Variants in SHTN1 observed in about 807,000 individuals in gnomAD.
The protein encoded by SHTN1 is shootin-1.
Under a neutral mutation model 83.1 loss-of-function variants are expected in SHTN1, and 42 were observed. The observed-to-expected ratio is 0.51, with a 90% CI of 0.39 to 0.65. The LOEUF is 0.65. Ranked by LOEUF, SHTN1 falls within the 30% of genes least tolerant of loss-of-function variation. The pLI is 0.00. For missense variants in SHTN1, 622 were observed against 737.8 expected (o/e 0.84, Z 1.82); for synonymous variants, 224 against 247.7 (o/e 0.90, Z 0.90).
intron 4 of SHTN1, among the ~76,000 whole-genome samples, chr10:116,958,756 T>G (rs1444677403): frequency 6.6e-6 from 1 of 152,164 alleles, no homozygotes; most frequent in Non-Finnish European, 1.5e-5. Flanking sequence ...AATTATTAAC[T>G]CCAGTCCTAA....
At chr10:117,124,546 G>A (rs1435000308) in intron 1 of SHTN1, among the ~76,000 whole-genome samples, 6 of 152,190 alleles carry the variant, frequency 3.9e-5, no homozygotes, top group Admixed American at 3.9e-4. Flanking sequence ...GCCGAGGTGA[G>A]TCGATCACCT....
intron 16 of SHTN1, among the ~76,000 whole-genome samples, chr10:116,892,101 T>C (rs1456887931): frequency 6.6e-6 from 1 of 152,206 alleles, no homozygotes; most frequent in Non-Finnish European, 1.5e-5. Context: ...CAAAGATCTA[T>C]GTCTATGCTC....
At chr10:116,917,742 C>T (rs2133358606) in intron 12 of SHTN1, among the ~76,000 whole-genome samples, 1 of 152,316 alleles carries the variant, frequency 6.6e-6, no homozygotes, top group East Asian at 1.9e-4. Flanking sequence ...AAAGTAGTTT[C>T]TTATATTTGC....
intron 7 of SHTN1, among the ~76,000 whole-genome samples, chr10:116,945,530 C>A (rs945558742): frequency 6.6e-6 from 1 of 152,072 alleles, no homozygotes; most frequent in Non-Finnish European, 1.5e-5. Context: ...CATCAACAGC[C>A]ATTTCACAGA....
chr10:116,899,544 T>TGTGTGTGTGTGTGTGTGTGTGA (rs1564865093), intron 16 of SHTN1, among the ~76,000 whole-genome samples: 1 of 99,164 alleles, frequency 1.0e-5, no homozygotes, highest in African/African-American at 3.1e-5. Flanking sequence ...TGTGTGTGTG[T>TGTGTGTGTGTGTGTGTGTGTGA]GTGAGAGAGT....
intron 2 of SHTN1, among the ~76,000 whole-genome samples, chr10:117,014,565 G>T (rs764300714): frequency 6.6e-6 from 1 of 152,176 alleles, no homozygotes; most frequent in Non-Finnish European, 1.5e-5. Context: ...TACTCTACAT[G>T]TAGGGTAGGG....
intron 2 of SHTN1, among the ~76,000 whole-genome samples, chr10:117,012,952 C>G (rs1369067819): frequency 6.6e-6 from 1 of 152,036 alleles, no homozygotes; most frequent in Non-Finnish European, 1.5e-5. Context: ...AATGTAGTGG[C>G]TTGTGCCTGT....
At chr10:117,115,798 C>T (rs957405962) in intron 1 of SHTN1, among the ~76,000 whole-genome samples, 2 of 152,128 alleles carry the variant, frequency 1.3e-5, no homozygotes. Context: ...TGCTATATGC[C>T]AAGCACTGAT....
intron 1 of SHTN1, among the ~76,000 whole-genome samples, chr10:116,993,072 G>C (rs1425658271): frequency 7.6e-6 from 1 of 131,544 alleles, no homozygotes; most frequent in African/African-American, 2.9e-5. Flanking sequence ...CTGGAGTGCA[G>C]TGGCATGATC....
At chr10:117,075,878 TA>T (rs1409219823) in intron 1 of SHTN1, among the ~76,000 whole-genome samples, 21 of 152,176 alleles carry the variant, frequency 1.4e-4, no homozygotes, top group Admixed American at 1.4e-3. Flanking sequence ...GGATGATTTG[TA>T]TTTTAGAAAG....
At chr10:117,125,733 T>C (rs1433015717) in intron 1 of SHTN1, among the ~76,000 whole-genome samples, 1 of 152,106 alleles carries the variant, frequency 6.6e-6, no homozygotes, top group Non-Finnish European at 1.5e-5. Context: ...CTTGATCATC[T>C]CAGAATTCTA....
intron 7 of SHTN1, among the ~76,000 whole-genome samples, chr10:116,947,056 A>G (rs1005911312): frequency 2.6e-5 from 4 of 152,064 alleles, no homozygotes; most frequent in African/African-American, 9.7e-5. Context: ...CATATTTACA[A>G]AGGAGAGAAA....
At chr10:116,887,067 G>A (rs1847188191) in intron 16 of SHTN1, among the ~76,000 whole-genome samples, 2 of 152,300 alleles carry the variant, frequency 1.3e-5, no homozygotes, top group Admixed American at 6.5e-5. Context: ...GAGGCATGCT[G>A]ACTGCTGCCA....
chr10:116,993,162 C>T (rs1352317896), intron 1 of SHTN1, among the ~76,000 whole-genome samples: 4 of 151,646 alleles, frequency 2.6e-5, no homozygotes, highest in South Asian at 4.2e-4. Flanking sequence ...ACTACAGGCA[C>T]GTGCCACCAC....
At chr10:116,962,279 A>G (rs1034919279) in intron 3 of SHTN1, among the ~76,000 whole-genome samples, 1 of 152,068 alleles carries the variant, frequency 6.6e-6, no homozygotes, top group African/African-American at 2.4e-5. Context: ...CTCTTCATCA[A>G]TATAATTGCC....
intron 1 of SHTN1, among the ~76,000 whole-genome samples, chr10:117,100,891 G>T (rs927036321): frequency 1.3e-5 from 2 of 152,202 alleles, no homozygotes; most frequent in Non-Finnish European, 2.9e-5. Context: ...CCGTGTAGCT[G>T]AGAGTAGTGA....
upstream of SHTN1, among the ~76,000 whole-genome samples, chr10:117,009,691 T>G (rs748650753): frequency 1.8e-4 from 27 of 151,982 alleles, no homozygotes; most frequent in Admixed American, 1.3e-3. Context: ...GATCACGAGG[T>G]CAGGAGATTG....
At chr10:117,001,191 T>C (rs1851812802) in intron 1 of SHTN1, among the ~76,000 whole-genome samples, 1 of 151,638 alleles carries the variant, frequency 6.6e-6, no homozygotes, top group Admixed American at 6.6e-5. Context: ...AAAAGGAGAA[T>C]TACCTCATTA....
chr10:117,000,185 C>G lies in SHTN1; in HGVS notation c.58+4837G>C, dbSNP rs185824115. Among the ~76,000 whole-genome samples, 42 of 152,314 alleles carry G rather than the reference C, an allele frequency of 2.8e-4. No individual in the cohort carries two copies. The East Asian group carries it at 4.1e-3, about 15-fold the overall frequency. On this transcript the variant is annotated intron_variant, in intron 1 of 16. Transcript: ENST00000355371. ...AAACAAGGCAACATTTAATTCCAAA[C>G]AGCTTTCTACTGGCTGATCTCATAT...
Sources: gnomAD v4.1 joint callset for allele counts (sites outside exome capture counted in the v4.1 genomes callset) on GRCh38, gnomAD v4.1.1 for gene constraint, MANE v1.5 for transcripts, NCBI Gene and HGNC (gene_info 2026-07-23, HGNC 2026-07-21) for gene names.